The following SULF1 variants were observed in gnomAD, a reference collection of about 807,000 sequenced individuals.
SULF1 encodes extracellular sulfatase Sulf-1.
Under a neutral mutation model 110.5 loss-of-function variants are expected in SULF1, and 46 were observed. The ratio of observed to expected loss-of-function variants is 0.42; its 90% CI spans 0.33 to 0.53. The LOEUF (loss-of-function observed/expected upper bound fraction) is 0.53. SULF1 is among the 20% of genes least tolerant of loss of function. The pLI is 0.12. For missense variants in SULF1, 941 were observed against 1,094.2 expected (o/e 0.86, Z 1.98); for synonymous variants, 371 against 387.1 (o/e 0.96, Z 0.49).
intron 3 of SULF1, among the ~76,000 whole-genome samples, chr8:69,558,800 G>GGATTTAAT (rs1815286088): frequency 6.6e-6 from 1 of 152,048 alleles, no homozygotes; most frequent in South Asian, 2.1e-4. Flanking sequence ...GAAGACCCTT[G>GGATTTAAT]CCCCAACAGT....
At position 69,660,324 on chromosome 8, in the gene SULF1, T is replaced by A. The variant is rs1205760902; in HGVS notation, c.*1789T>A. On this transcript the variant is annotated 3_prime_UTR_variant, in exon 23 of 23. Transcript: ENST00000402687. ...ACATACCACAAGAGAAGTTAATTTC[T>A]TAACATTGTGTTCTATGATTATTTG... The A allele has an allele frequency of 2.0e-5, 3 of 152,248 alleles. No homozygotes were observed. The highest frequency in any genetic ancestry group is 6.5e-5 in the Admixed American group (1 of 15,284). The allele number at this position is 152,248 out of a possible 1,614,324, so 9.4% of individuals were successfully genotyped here.
chr8:69,479,369 A>G (rs1003618646), intron 1 of SULF1, among the ~76,000 whole-genome samples: 4 of 152,236 alleles, frequency 2.6e-5, no homozygotes, highest in African/African-American at 9.6e-5. Context: ...CATAAATTAA[A>G]ACACCCTGTT....
chr8:69,537,505 A>C (rs1336581586), intron 3 of SULF1, among the ~76,000 whole-genome samples: 3 of 152,194 alleles, frequency 2.0e-5, no homozygotes, highest in Non-Finnish European at 1.5e-5. Context: ...CATATTAAAT[A>C]GATATAAAAA....
upstream of SULF1, among the ~76,000 whole-genome samples, chr8:69,491,704 A>T (rs1033601096): frequency 3.3e-5 from 5 of 152,242 alleles, no homozygotes; most frequent in South Asian, 6.2e-4. Flanking sequence ...ATGCCCATAT[A>T]GCTGGCGACA....
chr8:69,500,536 G>A (rs1208873469), intron 2 of SULF1, among the ~76,000 whole-genome samples: 1 of 152,216 alleles, frequency 6.6e-6, no homozygotes, highest in African/African-American at 2.4e-5. Context: ...ATCACATTCA[G>A]ATGTAAACTT....
chr8:69,586,673 T>C lies in SULF1; in HGVS notation c.564+165T>C, dbSNP rs2241881. Among the ~76,000 whole-genome samples, 12,722 of 152,222 alleles carry C rather than the reference T, an allele frequency of 0.084. 1,174 individuals are homozygous for C. Among genetic ancestry groups the C allele is most frequent in the African/African-American group, 0.18 (7,672 of 41,500 alleles). On this transcript the variant is annotated intron_variant, in intron 7 of 22. Transcript: ENST00000402687. Reference sequence around the variant, plus strand: ...TAAACTCTAGGCAAGGAAAAGACTCTCAAGGAACGCTGCCTTTGTGTAGTG... The same window carrying C: ...TAAACTCTAGGCAAGGAAAAGACTCCCAAGGAACGCTGCCTTTGTGTAGTG...
rs995119126 is a variant in SULF1, at chr8:69,522,886, G to A, written c.-134+20918G>A. 2.0e-5 allele frequency among the ~76,000 whole-genome samples: 3 copies of A among 152,158 alleles called. No individual in the cohort carries two copies. In the East Asian group the frequency reaches 5.8e-4, roughly 29 times the overall value. On this transcript the variant is annotated intron_variant, in intron 3 of 22. Coordinates refer to ENST00000402687, the MANE Select transcript of SULF1 (RefSeq NM_001128205.2). ...GGTGAAGTAGAGAGAGAGAAAGCCTGATTATTTAGGCAAAGATAAAATGGA... is the reference window on the plus strand; with the variant it reads ...GGTGAAGTAGAGAGAGAGAAAGCCTAATTATTTAGGCAAAGATAAAATGGA...
chr8:69,520,554 T>C (rs1248870685), intron 3 of SULF1, among the ~76,000 whole-genome samples: 1 of 152,218 alleles, frequency 6.6e-6, no homozygotes. Flanking sequence ...TTTGTACTTG[T>C]TTAAAACTAA....
At chr8:69,653,329 C>A (rs1812496705) in intron 22 of SULF1, among the ~76,000 whole-genome samples, 1 of 152,166 alleles carries the variant, frequency 6.6e-6, no homozygotes, top group Admixed American at 6.5e-5. Flanking sequence ...CTCAGCCTCC[C>A]AGAGTGCTGG....
chr8:69,570,521 C>T lies in SULF1; in HGVS notation c.173-5449C>T, dbSNP rs528326392. Among the ~76,000 whole-genome samples, 12 of 152,238 alleles carry T rather than the reference C, an allele frequency of 7.9e-5. No homozygotes were observed. The South Asian group carries it at 1.2e-3, about 16-fold the overall frequency. On this transcript the variant is annotated intron_variant, in intron 5 of 22. Transcript: ENST00000402687. ...ATCCAAATTAGGGGGACATTTTCTC[C>T]GATCCTTTTTCATACAAATGATTTT...
At chr8:69,522,104 G>T (rs1299129799) in intron 3 of SULF1, among the ~76,000 whole-genome samples, 1 of 151,728 alleles carries the variant, frequency 6.6e-6, no homozygotes, top group Admixed American at 6.6e-5. Flanking sequence ...AGGCTGGAGT[G>T]CAGTGGAATG....
intron 10 of SULF1, 119 bp downstream of exon 10, chr8:69,601,948 G>A: frequency 1.9e-6 from 2 of 1,052,808 alleles, no homozygotes; most frequent in East Asian, 2.7e-5. Context: ...GATGTGTGTA[G>A]GCTGGTTAAT....
intron 22 of SULF1, among the ~76,000 whole-genome samples, chr8:69,645,153 C>T (rs1481219147): frequency 6.6e-6 from 1 of 152,158 alleles, no homozygotes; most frequent in Admixed American, 6.5e-5. Flanking sequence ...GCACCAAAAT[C>T]CAGCCAAAGC....
chr8:69,472,382 A>C (rs188975037), intron 1 of SULF1, among the ~76,000 whole-genome samples: 5 of 152,334 alleles, frequency 3.3e-5, no homozygotes, highest in African/African-American at 1.2e-4. Context: ...TTCACCTTCA[A>C]ACCAAATTTA....
intron 6 of SULF1, among the ~76,000 whole-genome samples, chr8:69,579,475 G>A (rs905959931): frequency 2.6e-5 from 4 of 150,966 alleles, no homozygotes; most frequent in Admixed American, 6.6e-5. Flanking sequence ...CTTGAACCAA[G>A]GAGGCAGAGG....
intron 3 of SULF1, among the ~76,000 whole-genome samples, chr8:69,529,588 T>A (rs1415628762): frequency 6.6e-6 from 1 of 152,184 alleles, no homozygotes; most frequent in East Asian, 1.9e-4. Flanking sequence ...CAGTTTAAAA[T>A]CTTTTATGAG....
At chr8:69,614,539 C>T (rs1488506030) in intron 13 of SULF1, among the ~76,000 whole-genome samples, 1 of 152,238 alleles carries the variant, frequency 6.6e-6, no homozygotes, top group Non-Finnish European at 1.5e-5. Context: ...ATGCGTTTGA[C>T]ATATTTCTCA....
At chr8:69,580,928 CTAATA>C (rs558790185) in intron 6 of SULF1, among the ~76,000 whole-genome samples, 165 of 152,168 alleles carry the variant, frequency 1.1e-3, no homozygotes, top group African/African-American at 3.8e-3. Context: ...TATTTATTCT[CTAATA>C]TGAGATTTTT....
At chr8:69,581,723 G>A (rs1806075858) in intron 6 of SULF1, among the ~76,000 whole-genome samples, 1 of 152,214 alleles carries the variant, frequency 6.6e-6, no homozygotes, top group Non-Finnish European at 1.5e-5. Flanking sequence ...AATACATCTG[G>A]AGGAAAATAA....
Sources: allele counts gnomAD v4.1 joint callset (sites outside exome capture counted in the v4.1 genomes callset), GRCh38; gene constraint gnomAD v4.1.1; transcripts MANE v1.5; gene names NCBI Gene and HGNC (gene_info 2026-07-23, HGNC 2026-07-21).